The following CTNND2 variants were observed in gnomAD, a reference collection of about 807,000 sequenced individuals.
CTNND2 encodes the protein catenin delta-2.
Under a neutral mutation model 144.4 loss-of-function variants are expected in CTNND2, and 22 were observed. That is an observed-to-expected ratio of 0.15 (90% CI 0.11 to 0.22). The LOEUF (loss-of-function observed/expected upper bound fraction) is 0.22, where lower values mean the gene tolerates loss of function less well. Ranked by LOEUF, CTNND2 falls within the 10% of genes least tolerant of loss-of-function variation. The probability of loss-of-function intolerance (pLI) is 1.00; values close to 1 mark genes in which losing one functional copy is unlikely to be tolerated. For missense variants in CTNND2, 1,353 were observed against 1,618.8 expected (o/e 0.84, Z 2.82); for synonymous variants, 751 against 695.6 (o/e 1.08, Z -1.25).
intron 3 of CTNND2, among the ~76,000 whole-genome samples, chr5:11,529,302 G>A (rs1052075571): frequency 6.6e-6 from 1 of 152,214 alleles, no homozygotes; most frequent in Admixed American, 6.5e-5. Context: ...GTTTAGGAAT[G>A]CTACTAAATG....
intron 3 of CTNND2, among the ~76,000 whole-genome samples, chr5:11,554,885 T>C (rs1479002724): frequency 6.7e-6 from 1 of 150,238 alleles, no homozygotes; most frequent in African/African-American, 2.4e-5. Flanking sequence ...TAATATATAC[T>C]ATTTAATGTA....
At chr5:10,978,192 G>A (rs1736748237) in intron 21 of CTNND2, among the ~76,000 whole-genome samples, 1 of 152,136 alleles carries the variant, frequency 6.6e-6, no homozygotes, top group South Asian at 2.1e-4. Context: ...GGTAACTTTT[G>A]GCCCAGGGAA....
At chr5:11,219,366 T>C (rs1250074668) in intron 10 of CTNND2, among the ~76,000 whole-genome samples, 1 of 152,238 alleles carries the variant, frequency 6.6e-6, no homozygotes, top group Non-Finnish European at 1.5e-5. Context: ...TAAGCATAAA[T>C]ACTCTAAATT....
In CTNND2 at chr5:11,071,441, G is replaced by A. The variant is rs570828227; in HGVS notation, c.2788+11255C>T. On this transcript the variant is annotated intron_variant, in intron 16 of 21. Transcript: ENST00000304623. ...TGTAATCCCAGATACCCAGGTGCCC[G>A]AGGCATGAGAATCGTTTGAACCTCG... is the stretch of plus-strand genomic sequence containing the variant. 9.2e-5 allele frequency among the ~76,000 whole-genome samples: 14 copies of A among 152,254 alleles called. No homozygotes were observed. In the East Asian group the frequency reaches 1.2e-3, roughly 13 times the overall value.
chr5:11,856,909 T>G (rs1197690595), intron 1 of CTNND2, among the ~76,000 whole-genome samples: 1 of 152,202 alleles, frequency 6.6e-6, no homozygotes, highest in Non-Finnish European at 1.5e-5. Flanking sequence ...GAAATCCCTT[T>G]AATAATTATA....
intron 3 of CTNND2, among the ~76,000 whole-genome samples, chr5:11,440,339 A>C (rs766901255): frequency 2.0e-5 from 3 of 152,172 alleles, no homozygotes; most frequent in Non-Finnish European, 4.4e-5. Flanking sequence ...ATTCTCCTCA[A>C]GTTCAACGTG....
At chr5:11,542,215 T>C (rs1439058059) in intron 3 of CTNND2, among the ~76,000 whole-genome samples, 1 of 152,162 alleles carries the variant, frequency 6.6e-6, no homozygotes, top group Admixed American at 6.5e-5. Flanking sequence ...TGCATCATGC[T>C]GCAGGGACCC....
chr5:11,158,078 T>C (rs1758398307), intron 12 of CTNND2, among the ~76,000 whole-genome samples: 1 of 152,196 alleles, frequency 6.6e-6, no homozygotes, highest in Non-Finnish European at 1.5e-5. Context: ...TATGCTACTA[T>C]ATTAATCAGA....
At chr5:11,061,612 T>C (rs1223519899) in intron 16 of CTNND2, among the ~76,000 whole-genome samples, 1 of 152,206 alleles carries the variant, frequency 6.6e-6, no homozygotes, top group Non-Finnish European at 1.5e-5. Flanking sequence ...CATAGACTTC[T>C]TTCCTGACCA....
chr5:11,217,030 A>C (rs1739273400), intron 10 of CTNND2, among the ~76,000 whole-genome samples: 2 of 152,170 alleles, frequency 1.3e-5, no homozygotes, highest in South Asian at 2.1e-4. Flanking sequence ...CACACATTGC[A>C]CTTCTATGTA....
chr5:11,734,525 T>C (rs1051757114), intron 1 of CTNND2, among the ~76,000 whole-genome samples: 1 of 152,174 alleles, frequency 6.6e-6, no homozygotes, highest in Non-Finnish European at 1.5e-5. Flanking sequence ...GAGAAAGCAA[T>C]AGTTAACTGA....
chr5:11,253,226 T>C (rs1241903669), intron 9 of CTNND2, among the ~76,000 whole-genome samples: 1 of 152,194 alleles, frequency 6.6e-6, no homozygotes, highest in African/African-American at 2.4e-5. Flanking sequence ...CTGGGCCCCA[T>C]TTGTTCAAAT....
chr5:11,886,371 A>G (rs1001841105), intron 1 of CTNND2, among the ~76,000 whole-genome samples: 3 of 152,202 alleles, frequency 2.0e-5, no homozygotes, highest in Non-Finnish European at 4.4e-5. Flanking sequence ...ATTACAACTG[A>G]TACCACAGAA....
At chr5:11,400,758 C>T (rs1212797170) in intron 5 of CTNND2, among the ~76,000 whole-genome samples, 2 of 152,104 alleles carry the variant, frequency 1.3e-5, no homozygotes, top group Admixed American at 6.5e-5. Flanking sequence ...ACACAGCAAC[C>T]TGTGAAAAAA....
intron 1 of CTNND2, among the ~76,000 whole-genome samples, chr5:11,770,822 G>C (rs1789890283): frequency 6.6e-6 from 1 of 152,084 alleles, no homozygotes; most frequent in African/African-American, 2.4e-5. Flanking sequence ...GTGAGAGAGA[G>C]ACACAGAGAC....
intron 1 of CTNND2, among the ~76,000 whole-genome samples, chr5:11,807,090 T>C (rs750111093): frequency 2.0e-5 from 3 of 152,204 alleles, no homozygotes; most frequent in Non-Finnish European, 4.4e-5. Flanking sequence ...GCTTAAACTC[T>C]GTATTATTAA....
At chr5:11,064,831 A>G (rs1747381618) in intron 16 of CTNND2, among the ~76,000 whole-genome samples, 1 of 152,210 alleles carries the variant, frequency 6.6e-6, no homozygotes, top group Non-Finnish European at 1.5e-5. Flanking sequence ...TGTCAATCAC[A>G]CTGTTACTAT....
intron 16 of CTNND2, among the ~76,000 whole-genome samples, chr5:11,061,200 T>C (rs1746932209): frequency 6.6e-6 from 1 of 152,158 alleles, no homozygotes; most frequent in Non-Finnish European, 1.5e-5. Flanking sequence ...ACCTTCAAAA[T>C]ACTTTTTCTA....
chr5:11,072,521 T>C (rs1025210695), intron 16 of CTNND2, among the ~76,000 whole-genome samples: 2 of 152,258 alleles, frequency 1.3e-5, no homozygotes, highest in African/African-American at 4.8e-5. Flanking sequence ...GGACAGTATA[T>C]TGTTACGAAC....
Sources: allele counts gnomAD v4.1 joint callset (sites outside exome capture counted in the v4.1 genomes callset), GRCh38; gene constraint gnomAD v4.1.1; transcripts MANE v1.5; gene names NCBI Gene and HGNC (gene_info 2026-07-23, HGNC 2026-07-21).